The following PDK1 variants were observed in gnomAD, a reference collection of about 807,000 sequenced individuals.
PDK1 encodes [Pyruvate dehydrogenase (acetyl-transferring)] kinase isozyme 1, mitochondrial.
Under a neutral mutation model 54.2 loss-of-function variants are expected in PDK1, and 39 were observed. That is an observed-to-expected ratio of 0.72 (90% CI 0.56 to 0.94). The LOEUF (loss-of-function observed/expected upper bound fraction) is 0.94, where lower values mean the gene tolerates loss of function less well. Among genes scored for constraint, PDK1 ranks in the 40% least tolerant of loss-of-function variants. PDK1 has a pLI of 0.00. For synonymous variants in PDK1, 221 were observed against 207.1 expected, an observed-to-expected ratio of 1.07 and a Z score of -0.58; for missense variants, 552 against 566.0, an observed-to-expected ratio of 0.98 and a Z score of 0.25.
chr2:172,641,331 T>A, the PDK1 span, among the ~76,000 whole-genome samples: 2 of 152,066 alleles, frequency 1.3e-5, no homozygotes, highest in Non-Finnish European at 2.9e-5. Context: ...GGGGTCTTTC[T>A]ATGTTGCCCA....
At chr2:172,713,135 G>T in the PDK1 span, among the ~76,000 whole-genome samples, 1 of 152,212 alleles carries the variant, frequency 6.6e-6, no homozygotes, top group African/African-American at 2.4e-5. Flanking sequence ...AGGTTGTACA[G>T]AGTGTACAGC....
chr2:172,650,245 A>C, the PDK1 span, among the ~76,000 whole-genome samples: 4 of 151,760 alleles, frequency 2.6e-5, no homozygotes, highest in South Asian at 2.1e-4. Context: ...ATTAAGCTTC[A>C]TAAGGAGAAA....
the PDK1 span, among the ~76,000 whole-genome samples, chr2:172,720,241 G>T: frequency 4.6e-5 from 7 of 151,078 alleles, no homozygotes; most frequent in African/African-American, 1.7e-4. Context: ...CAGCCTCCCC[G>T]ATAGCTGGGA....
the PDK1 span, among the ~76,000 whole-genome samples, chr2:172,621,289 C>T: frequency 6.6e-6 from 1 of 152,066 alleles, no homozygotes; most frequent in East Asian, 1.9e-4. Flanking sequence ...TGGGTGAGCA[C>T]CATCTAATCA....
At chr2:172,673,964 C>A in the PDK1 span, among the ~76,000 whole-genome samples, 2 of 152,228 alleles carry the variant, frequency 1.3e-5, no homozygotes, top group African/African-American at 4.8e-5. Flanking sequence ...TGCCACAAGC[C>A]TGCGTTAAGT....
the PDK1 span, among the ~76,000 whole-genome samples, chr2:172,622,837 GAT>G: frequency 1.2e-4 from 18 of 146,174 alleles, no homozygotes; most frequent in East Asian, 1.6e-3. Context: ...TATGTAATAT[GAT>G]ATATGTTTAT....
At chr2:172,635,974 G>A in the PDK1 span, among the ~76,000 whole-genome samples, 1 of 152,196 alleles carries the variant, frequency 6.6e-6, no homozygotes, top group African/African-American at 2.4e-5. Flanking sequence ...CTCTCCTCTG[G>A]CTCCTTTCTG....
the PDK1 span, among the ~76,000 whole-genome samples, chr2:172,615,423 A>AGACCAGCCT: frequency 2.6e-5 from 4 of 152,188 alleles, no homozygotes; most frequent in Non-Finnish European, 5.9e-5. Flanking sequence ...CAGGAGTTCA[A>AGACCAGCCT]GACCAGCCTG....
chr2:172,593,952 G>C (rs983955920), intron 10 of PDK1, among the ~76,000 whole-genome samples: 2 of 151,746 alleles, frequency 1.3e-5, no homozygotes, highest in Admixed American at 1.3e-4. Flanking sequence ...TATCTGAAAA[G>C]ACTAAATTCT....
chr2:172,679,251 GC>G, the PDK1 span, among the ~76,000 whole-genome samples: 1 of 152,154 alleles, frequency 6.6e-6, no homozygotes, highest in Non-Finnish European at 1.5e-5. Flanking sequence ...TTCAAGACTA[GC>G]CTGGGCAACA....
intron 6 of PDK1, among the ~76,000 whole-genome samples, chr2:172,568,130 G>A (rs1254392336): frequency 2.0e-5 from 3 of 151,934 alleles, no homozygotes; most frequent in East Asian, 1.9e-4. Context: ...TCAGGAGTTC[G>A]AGACAAGCCT....
chr2:172,672,808 T>A, the PDK1 span, among the ~76,000 whole-genome samples: 1 of 152,226 alleles, frequency 6.6e-6, no homozygotes, highest in East Asian at 1.9e-4. Context: ...GTGTTCTTTA[T>A]AAGTCGCTCT....
intron 10 of PDK1, among the ~76,000 whole-genome samples, chr2:172,594,534 A>G (rs971641734): frequency 1.3e-5 from 2 of 152,218 alleles, no homozygotes; most frequent in African/African-American, 4.8e-5. Flanking sequence ...GCTTCATTCA[A>G]AGCCATCCTG....
chr2:172,697,309 G>A, the PDK1 span, among the ~76,000 whole-genome samples: 1 of 152,196 alleles, frequency 6.6e-6, no homozygotes, highest in South Asian at 2.1e-4. Flanking sequence ...ATACGACAGG[G>A]GATGGCAAAT....
chr2:172,637,785 GC>G, the PDK1 span, among the ~76,000 whole-genome samples: 20 of 151,920 alleles, frequency 1.3e-4, no homozygotes, highest in Non-Finnish European at 1.6e-4. Flanking sequence ...AACCTCCACC[GC>G]CCAGGTTCAA....
intron 8 of PDK1, among the ~76,000 whole-genome samples, chr2:172,579,901 T>C (rs1689803622): frequency 6.6e-6 from 1 of 152,044 alleles, no homozygotes; most frequent in Non-Finnish European, 1.5e-5. Flanking sequence ...CACTCCCTGT[T>C]TTTTATCGCT....
At chr2:172,707,638 C>T in the PDK1 span, among the ~76,000 whole-genome samples, 3 of 152,204 alleles carry the variant, frequency 2.0e-5, no homozygotes, top group Non-Finnish European at 4.4e-5. Context: ...GTCTTCTTCA[C>T]TCCACCTTTC....
At chr2:172,654,213 A>G in the PDK1 span, among the ~76,000 whole-genome samples, 2 of 152,210 alleles carry the variant, frequency 1.3e-5, no homozygotes, top group East Asian at 3.8e-4. Flanking sequence ...CAGTGTGGCG[A>G]TTCCTCAAGG....
At chr2:172,717,703 T>C in the PDK1 span, among the ~76,000 whole-genome samples, 1 of 152,174 alleles carries the variant, frequency 6.6e-6, no homozygotes, top group Non-Finnish European at 1.5e-5. Context: ...CCTATTAGTA[T>C]TTTGAAGTAG....
Sources: gnomAD v4.1 joint callset for allele counts (sites outside exome capture counted in the v4.1 genomes callset) on GRCh38, gnomAD v4.1.1 for gene constraint, MANE v1.5 for transcripts, NCBI Gene and HGNC (gene_info 2026-07-23, HGNC 2026-07-21) for gene names.